The following ZNF676 variants were observed in gnomAD, a reference collection of about 807,000 sequenced individuals.
The protein encoded by ZNF676 is zinc finger protein 676.
ZNF676 carries 4 observed loss-of-function variants against 6.0 expected under a neutral mutation model. That is an observed-to-expected ratio of 0.67 (90% CI 0.33 to 1.53). The LOEUF is 1.53. ZNF676 is among the 40% of genes most tolerant of loss of function. The pLI is 0.06. For synonymous variants in ZNF676, 198 were observed against 223.1 expected (o/e 0.89, Z 1.00); for missense variants, 644 against 679.7 (o/e 0.95, Z 0.58).
chr19:22,206,030 T>C (rs974223815), intron 1 of ZNF676, among the ~76,000 whole-genome samples: 3 of 146,606 alleles, frequency 2.0e-5, no homozygotes, highest in African/African-American at 7.6e-5. Flanking sequence ...AAAAAATTAT[T>C]GAACAAATAC....
At chr19:22,235,060 A>C in the ZNF676 span, among the ~76,000 whole-genome samples, 1 of 147,364 alleles carries the variant, frequency 6.8e-6, no homozygotes, top group East Asian at 1.9e-4. Context: ...GCAGAAAGGC[A>C]GGAAGAAGGA....
chr19:22,252,309 C>T, the ZNF676 span, among the ~76,000 whole-genome samples: 1 of 150,834 alleles, frequency 6.6e-6, no homozygotes, highest in African/African-American at 2.4e-5. Context: ...GCAAGAGAAT[C>T]GCTTGAACCC....
At chr19:22,234,185 G>A in the ZNF676 span, among the ~76,000 whole-genome samples, 63,410 of 151,986 alleles carry the variant, frequency 0.42, 14,044 homozygotes, top group African/African-American at 0.59. Context: ...GAACTGTAGC[G>A]CCACAGCTGG....
the ZNF676 span, among the ~76,000 whole-genome samples, chr19:22,227,602 A>G: frequency 6.6e-6 from 1 of 152,218 alleles, no homozygotes; most frequent in African/African-American, 2.4e-5. Flanking sequence ...TACAAAATAG[A>G]TAGACTGCTA....
upstream of ZNF676, among the ~76,000 whole-genome samples, chr19:22,217,646 G>A (rs1373833397): frequency 1.3e-5 from 2 of 149,998 alleles, no homozygotes; most frequent in Non-Finnish European, 3.0e-5. Context: ...ACAGGCATAA[G>A]CCACCGTGCC....
At chr19:22,238,844 C>T in the ZNF676 span, among the ~76,000 whole-genome samples, 1 of 152,128 alleles carries the variant, frequency 6.6e-6, no homozygotes, top group Non-Finnish European at 1.5e-5. Context: ...CTAGGCCAGT[C>T]TTTCTTTTCA....
the ZNF676 span, among the ~76,000 whole-genome samples, chr19:22,250,456 T>G: frequency 6.6e-6 from 1 of 152,208 alleles, no homozygotes; most frequent in Non-Finnish European, 1.5e-5. Context: ...AGTCTCACTC[T>G]GTTGCCCAGG....
At position 22,196,820 on chromosome 19, in the gene ZNF676, T is replaced by C; in HGVS notation, c.-187A>G. The C allele has an allele frequency of 8.8e-7, 1 of 1,141,326 alleles. No homozygotes were observed. The highest frequency in any genetic ancestry group is 2.2e-5 in the Admixed American group (1 of 44,836). 70.7% of individuals were successfully genotyped at this position (1,141,326 alleles called of 1,614,324 possible). A position where few individuals can be genotyped will look rare whatever the true frequency, so the allele number is the denominator to read the frequency against. On this transcript the variant is annotated 5_prime_UTR_variant, in exon 1 of 3. Transcript: ENST00000397121. Reference sequence around the variant, plus strand: ...GTAAAATGGAGAGAGTAGAGAGAGCTGGTTCTGACTTATATGAATGACTGA... The same window carrying C: ...GTAAAATGGAGAGAGTAGAGAGAGCCGGTTCTGACTTATATGAATGACTGA...
At chr19:22,235,062 G>C in the ZNF676 span, among the ~76,000 whole-genome samples, 2 of 144,136 alleles carry the variant, frequency 1.4e-5, no homozygotes, top group Non-Finnish European at 3.0e-5. Flanking sequence ...AGAAAGGCAG[G>C]AAGAAGGAAG....
At chr19:22,253,021 C>T in the ZNF676 span, among the ~76,000 whole-genome samples, 111 of 152,306 alleles carry the variant, frequency 7.3e-4, 1 homozygote, top group African/African-American at 1.6e-3. Flanking sequence ...AACCCACAAT[C>T]TCAACAGTTT....
At chr19:22,219,261 G>T (rs2024225086), upstream of ZNF676, among the ~76,000 whole-genome samples, 1 of 151,690 alleles carries the variant, frequency 6.6e-6, no homozygotes, top group South Asian at 2.1e-4. Context: ...ACTGCAACCG[G>T]CTAATTTTTG....
At chr19:22,256,420 C>T in the ZNF676 span, among the ~76,000 whole-genome samples, 2 of 152,022 alleles carry the variant, frequency 1.3e-5, no homozygotes, top group Non-Finnish European at 2.9e-5. Flanking sequence ...AGGAGAGGAA[C>T]ATCACCTGGG....
intron 1 of ZNF676, chr19:22,203,865 A>T (rs1030389602): frequency 1.3e-5 from 2 of 152,166 alleles, no homozygotes; most frequent in Non-Finnish European, 2.9e-5. Context: ...AAGTGTTGAG[A>T]TTACAGGCAT....
At chr19:22,235,053 GA>G in the ZNF676 span, among the ~76,000 whole-genome samples, 1 of 146,426 alleles carries the variant, frequency 6.8e-6, no homozygotes, top group South Asian at 2.1e-4. Flanking sequence ...AAGGAAGGCA[GA>G]AAGGCAGGAA....
At chr19:22,244,097 G>A in the ZNF676 span, 1 of 147,894 alleles carries the variant, frequency 6.8e-6, no homozygotes, top group African/African-American at 2.5e-5. Flanking sequence ...AAGCTGGAGT[G>A]CAATGGCATG....
intron 2 of ZNF676, among the ~76,000 whole-genome samples, chr19:22,187,698 A>C (rs903743984): frequency 6.6e-6 from 1 of 152,140 alleles, no homozygotes; most frequent in African/African-American, 2.4e-5. Flanking sequence ...ACCGCCACTG[A>C]TTCCACAGAA....
At chr19:22,202,413 A>G (rs867017983) in intron 1 of ZNF676, among the ~76,000 whole-genome samples, 2 of 152,220 alleles carry the variant, frequency 1.3e-5, no homozygotes, top group South Asian at 2.1e-4. Context: ...TATTTAGGGT[A>G]CAGCATGCAC....
At chr19:22,219,620 T>C (rs2024228019), upstream of ZNF676, among the ~76,000 whole-genome samples, 1 of 152,060 alleles carries the variant, frequency 6.6e-6, no homozygotes, top group Non-Finnish European at 1.5e-5. Context: ...TTTCAACTTT[T>C]TCCTGTTCAG....
upstream of ZNF676, among the ~76,000 whole-genome samples, chr19:22,219,018 T>G (rs557015467): frequency 7.3e-6 from 1 of 136,452 alleles, no homozygotes; most frequent in South Asian, 2.3e-4. Flanking sequence ...AGGATTTTTT[T>G]TTTTTAGTTT....
Sources: gnomAD v4.1 joint callset for allele counts (sites outside exome capture counted in the v4.1 genomes callset) on GRCh38, gnomAD v4.1.1 for gene constraint, MANE v1.5 for transcripts, NCBI Gene and HGNC (gene_info 2026-07-23, HGNC 2026-07-21) for gene names.